The following FAT3 variants were observed in gnomAD, a reference collection of about 807,000 sequenced individuals.
FAT3 encodes protocadherin Fat 3.
Under a neutral mutation model 310.2 loss-of-function variants are expected in FAT3, and 95 were observed. That is an observed-to-expected ratio of 0.31 (90% CI 0.26 to 0.36). The LOEUF is 0.36. FAT3 is among the 10% of genes least tolerant of loss of function. The probability of loss-of-function intolerance (pLI) is 1.00; values close to 1 mark genes in which losing one functional copy is unlikely to be tolerated. For missense variants in FAT3, 5,408 were observed against 5,715.6 expected, an observed-to-expected ratio of 0.95 and a Z score of 1.74; for synonymous variants, 2,314 against 2,192.9, an observed-to-expected ratio of 1.06 and a Z score of -1.54.
chr11:92,868,164 A>G (rs182165574), intron 22 of FAT3, among the ~76,000 whole-genome samples: 86 of 152,304 alleles, frequency 5.6e-4, no homozygotes, highest in Non-Finnish European at 1.1e-3. Context: ...AACCTTCCTC[A>G]CAAATCACTT....
At chr11:92,246,285 T>C (rs899976563) in intron 1 of FAT3, among the ~76,000 whole-genome samples, 7 of 151,940 alleles carry the variant, frequency 4.6e-5, no homozygotes, top group African/African-American at 2.4e-5. Context: ...CAAATATGCA[T>C]GTAGGCAGAG....
At chr11:92,635,251 A>G (rs1043946446) in intron 3 of FAT3, among the ~76,000 whole-genome samples, 1 of 151,366 alleles carries the variant, frequency 6.6e-6, no homozygotes, top group Non-Finnish European at 1.5e-5. Context: ...TTTTCTTTTT[A>G]TCACTCTGAC....
chr11:92,855,961 T>C (rs190260975), intron 19 of FAT3, among the ~76,000 whole-genome samples: 1 of 150,782 alleles, frequency 6.6e-6, no homozygotes, highest in African/African-American at 2.4e-5. Context: ...AAGAAATGAC[T>C]GTACCTTGGG....
At chr11:92,555,999 T>G (rs955628429) in intron 3 of FAT3, among the ~76,000 whole-genome samples, 1 of 152,190 alleles carries the variant, frequency 6.6e-6, no homozygotes, top group Admixed American at 6.5e-5. Context: ...ATAATAGTAC[T>G]GTTTATTGTG....
At chr11:92,690,441 T>C (rs1413423021) in intron 3 of FAT3, among the ~76,000 whole-genome samples, 1 of 152,248 alleles carries the variant, frequency 6.6e-6, no homozygotes, top group African/African-American at 2.4e-5. Flanking sequence ...CAGCACCATG[T>C]GCTCAATTGA....
chr11:92,700,151 G>A (rs1225211194), intron 4 of FAT3, among the ~76,000 whole-genome samples: 1 of 152,158 alleles, frequency 6.6e-6, no homozygotes, highest in Non-Finnish European at 1.5e-5. Context: ...AAAGCGGGGG[G>A]TGACAGGCAA....
chr11:92,366,582 A>G (rs184302249), intron 2 of FAT3: 2 of 521,040 alleles, frequency 3.8e-6, no homozygotes, highest in East Asian at 1.1e-4. Flanking sequence ...GATGGGCTTC[A>G]AGTCCTTGTC....
chr11:92,840,874 G>A (rs139616227), intron 18 of FAT3, 115 bp downstream of exon 18: 25 of 987,290 alleles, frequency 2.5e-5, no homozygotes, highest in African/African-American at 1.1e-4. Context: ...ATTACCATGC[G>A]GGAATGTTCC....
intron 13 of FAT3, among the ~76,000 whole-genome samples, chr11:92,817,337 T>C (rs764005330): frequency 3.9e-5 from 6 of 152,204 alleles, no homozygotes; most frequent in Non-Finnish European, 8.8e-5. Context: ...ATAGAAAATA[T>C]GAAAAATTCT....
intron 1 of FAT3, among the ~76,000 whole-genome samples, chr11:92,342,052 G>A (rs1948279370): frequency 6.6e-6 from 1 of 152,110 alleles, no homozygotes; most frequent in African/African-American, 2.4e-5. Context: ...TAGCCAAATA[G>A]ACAAGCACTT....
chr11:92,364,999 C>T (rs1948979295), intron 2 of FAT3, among the ~76,000 whole-genome samples: 3 of 152,186 alleles, frequency 2.0e-5, no homozygotes, highest in Admixed American at 2.0e-4. Context: ...GCAGCTCATG[C>T]CTATAATCCT....
intron 13 of FAT3, among the ~76,000 whole-genome samples, chr11:92,817,162 C>T (rs1347564471): frequency 6.6e-6 from 1 of 151,980 alleles, no homozygotes; most frequent in Non-Finnish European, 1.5e-5. Context: ...AGCAGCTGGG[C>T]TGAGTGCCCT....
At chr11:92,355,798 A>G (rs1292554577) in intron 2 of FAT3, among the ~76,000 whole-genome samples, 2 of 152,206 alleles carry the variant, frequency 1.3e-5, no homozygotes, top group Non-Finnish European at 2.9e-5. Context: ...TGGATTTTCA[A>G]ATGGATCTTA....
At position 92,800,901 on chromosome 11, in the gene FAT3, G is replaced by A; in HGVS notation, c.7888G>A (p.Gly2630Arg). 6.2e-7 allele frequency: 1 copy of A among 1,613,156 alleles called. No individual in the cohort carries two copies. Among genetic ancestry groups the A allele is most frequent in the South Asian group, 1.1e-5 (1 of 90,822 alleles). Residue 2630 changes from glycine to arginine, a missense_variant, in exon 10 of 28, where the codon GGA (glycine) becomes AGA (arginine). Gly to Arg is a moderately radical substitution (Grantham distance 125). Around this residue, in one of 5 missense-constraint regions of FAT3, gnomAD observed 4,588 missense variants for 4,809.8 expected, o/e 0.95. Coordinates refer to ENST00000525166, the MANE Select transcript of FAT3 (RefSeq NM_001367949.2). ...TQVQAIDPDD[G>R]ANSRITYSLY... ...AGTTCAAGCCATAGATCCCGATGAT[G>A]GAGCAAATTCAAGGATTACTTATTC...
At chr11:92,547,967 A>G (rs1954669106) in intron 3 of FAT3, among the ~76,000 whole-genome samples, 2 of 152,102 alleles carry the variant, frequency 1.3e-5, no homozygotes, top group African/African-American at 4.8e-5. Flanking sequence ...GAGGCATGGT[A>G]AAGGAGACAG....
chr11:92,576,206 T>A (rs1441257039), intron 3 of FAT3, among the ~76,000 whole-genome samples: 1 of 152,178 alleles, frequency 6.6e-6, no homozygotes, highest in East Asian at 1.9e-4. Context: ...GCCAGCTTTG[T>A]CACCGAGCTG....
intron 3 of FAT3, among the ~76,000 whole-genome samples, chr11:92,546,411 C>A (rs1351120454): frequency 2.6e-5 from 4 of 152,220 alleles, no homozygotes; most frequent in Non-Finnish European, 5.9e-5. Flanking sequence ...AACCTGGCAA[C>A]AGCATATTAA....
intron 3 of FAT3, among the ~76,000 whole-genome samples, chr11:92,687,451 A>G (rs1943665228): frequency 6.6e-6 from 1 of 152,196 alleles, no homozygotes; most frequent in Non-Finnish European, 1.5e-5. Flanking sequence ...ATTAAACATT[A>G]AAGGCCCAGT....
At chr11:92,661,195 T>C (rs1203581005) in intron 3 of FAT3, among the ~76,000 whole-genome samples, 1 of 152,186 alleles carries the variant, frequency 6.6e-6, no homozygotes, top group Non-Finnish European at 1.5e-5. Flanking sequence ...AGGGTGGCTT[T>C]CCAGGGAAGG....
Sources: allele counts gnomAD v4.1 joint callset (sites outside exome capture counted in the v4.1 genomes callset), GRCh38; gene constraint gnomAD v4.1.1; regional missense constraint gnomAD v4.1.1; transcripts MANE v1.5; gene names NCBI Gene and HGNC (gene_info 2026-07-23, HGNC 2026-07-21).